Variants in HEATR5B observed in about 807,000 individuals in gnomAD.
HEATR5B encodes HEAT repeat containing 5B.
Under a neutral mutation model 224.1 loss-of-function variants are expected in HEATR5B, and 156 were observed. The observed-to-expected ratio is 0.70, with a 90% confidence interval of 0.61 to 0.80. The LOEUF is 0.80. Among genes scored for constraint, HEATR5B ranks in the 30% least tolerant of loss-of-function variants. The pLI, the probability that HEATR5B is intolerant of heterozygous loss-of-function variation, is 0.00. For missense variants in HEATR5B, 2,323 were observed against 2,535.5 expected, an observed-to-expected ratio of 0.92 and a Z score of 1.80; for synonymous variants, 1,027 against 893.0, an observed-to-expected ratio of 1.15 and a Z score of -2.68.
At position 37,056,609 on chromosome 2, in the gene HEATR5B, G is replaced by A; in HGVS notation, c.2230C>T (p.Pro744Ser). The change falls in exon 16 of 36, where the codon CCA (proline) becomes TCA (serine). Residue 744 changes from proline to serine, a missense_variant. Transcript: ENST00000233099. ...GCCCCACTTCCAGAGGCACTGTTTGGCTGGAGCTGCAAAAGAGTGAAATAA... is the reference window on the plus strand; with the variant it reads ...GCCCCACTTCCAGAGGCACTGTTTGACTGGAGCTGCAAAAGAGTGAAATAA... ...DHKSIEDQLQ[P>S]NSASGSGALE... The A allele has an allele frequency of 6.3e-7, 1 of 1,587,746 alleles. No homozygotes were observed. The highest frequency in any genetic ancestry group is 8.5e-7 in the Non-Finnish European group (1 of 1,169,696).
intron 24 of HEATR5B, among the ~76,000 whole-genome samples, chr2:37,022,615 G>T (rs1429707717): frequency 2.0e-5 from 3 of 152,230 alleles, no homozygotes. Flanking sequence ...GTTGGATTTG[G>T]ACTGTAGGCT....
intron 2 of HEATR5B, among the ~76,000 whole-genome samples, chr2:37,079,920 A>G (rs957521124): frequency 1.3e-5 from 2 of 152,214 alleles, no homozygotes; most frequent in African/African-American, 4.8e-5. Flanking sequence ...TTAAGTTTAC[A>G]TTCTAGTGAG....
chr2:37,011,421 A>C (rs1667779185), intron 27 of HEATR5B, among the ~76,000 whole-genome samples: 1 of 152,228 alleles, frequency 6.6e-6, no homozygotes, highest in Admixed American at 6.5e-5. Context: ...TGTCACTGTA[A>C]GACTTTACGG....
chr2:36,998,639 C>G (rs1260467931), intron 33 of HEATR5B, among the ~76,000 whole-genome samples: 1 of 152,092 alleles, frequency 6.6e-6, no homozygotes, highest in East Asian at 1.9e-4. Context: ...ACAAAAATAT[C>G]ATTGACAGGG....
chr2:37,071,873 C>T (rs562885051), intron 6 of HEATR5B, among the ~76,000 whole-genome samples: 25 of 152,026 alleles, frequency 1.6e-4, no homozygotes, highest in African/African-American at 3.9e-4. Flanking sequence ...TCAGTAGAGA[C>T]GGGGTTTCAG....
Position 37,083,276 on chromosome 2 carries a change from A to G in HEATR5B, c.126+13T>C, listed in dbSNP as rs2148620997. The G allele has an allele frequency of 6.2e-7, 1 of 1,613,816 alleles. No homozygotes were observed. On this transcript the variant is annotated intron_variant, in intron 2 of 35. Transcript: ENST00000233099. ...CACGTTAATGCAACTGGGAAAAAAG[A>G]GCAATACCATACCTTGTTGGCAGCA...
At chr2:37,040,666 A>G in intron 19 of HEATR5B, 148 bp from the exon 20 acceptor site, 1 of 595,030 alleles carries the variant, frequency 1.7e-6, no homozygotes, top group Non-Finnish European at 2.9e-6. Context: ...ATGTTTTCAT[A>G]CACATTCTTC....
intron 12 of HEATR5B, among the ~76,000 whole-genome samples, chr2:37,059,383 A>G (rs1671111080): frequency 7.1e-6 from 1 of 140,882 alleles, no homozygotes; most frequent in South Asian, 2.2e-4. Context: ...ATATTTTTGC[A>G]ACTTTTACAG....
chr2:37,070,999 T>C (rs563145409), intron 6 of HEATR5B, among the ~76,000 whole-genome samples: 49 of 152,310 alleles, frequency 3.2e-4, no homozygotes, highest in South Asian at 6.2e-4. Flanking sequence ...AGTTACAGAA[T>C]CTAAGTCTCA....
At chr2:37,025,581 C>T (rs935824619) in intron 24 of HEATR5B, among the ~76,000 whole-genome samples, 2 of 147,956 alleles carry the variant, frequency 1.4e-5, no homozygotes, top group African/African-American at 2.5e-5. Flanking sequence ...GTGGGAGAAA[C>T]GTAGACAAAT....
At chr2:37,061,203 A>C (rs1432034702) in intron 11 of HEATR5B, among the ~76,000 whole-genome samples, 2 of 152,192 alleles carry the variant, frequency 1.3e-5, no homozygotes, top group Non-Finnish European at 2.9e-5. Context: ...ATTTAGTTTC[A>C]TGGAAAGGCA....
chr2:37,072,351 C>T (rs1003584361), intron 5 of HEATR5B, 70 bp from the exon 6 acceptor site: 1 of 1,101,572 alleles, frequency 9.1e-7, no homozygotes, highest in Non-Finnish European at 1.3e-6. Flanking sequence ...TAGCAAGAAC[C>T]AGACTTACCA....
chr2:37,058,517 T>C lies in HEATR5B; in HGVS notation c.1993A>G (p.Ser665Gly). ...AGTCTTAAACGGACCATTGCAGCAC[T>C]AGCTTTCAGATGAGCTCCATGGGCT... ...MKAHGAHLKA[S>G]AAMVRLRLYD... Residue 665 changes from serine to glycine, a missense_variant, in exon 14 of 36, where the codon AGT (serine) becomes GGT (glycine). Coordinates refer to ENST00000233099, the MANE Select transcript of HEATR5B (RefSeq NM_019024.3). 1 of 1,613,322 alleles carries C rather than the reference T, an allele frequency of 6.2e-7. No individual in the cohort carries two copies. Among genetic ancestry groups the C allele is most frequent in the East Asian group, 2.2e-5 (1 of 44,850 alleles).
chr2:37,010,245 C>G (rs1301533150), intron 27 of HEATR5B, among the ~76,000 whole-genome samples: 1 of 152,058 alleles, frequency 6.6e-6, no homozygotes, highest in Non-Finnish European at 1.5e-5. Context: ...ATAAAAATCT[C>G]GAGAAAACTG....
chr2:36,982,781 A>AT (rs1160992945), intron 35 of HEATR5B, among the ~76,000 whole-genome samples: 1 of 151,798 alleles, frequency 6.6e-6, no homozygotes, highest in African/African-American at 2.4e-5. Flanking sequence ...TATAGATGTT[A>AT]TATCTACATC....
chr2:37,006,913 A>G (rs1195930716), intron 29 of HEATR5B, 137 bp downstream of exon 29: 1 of 692,552 alleles, frequency 1.4e-6, no homozygotes, highest in East Asian at 2.8e-5. Context: ...ACAATTTATA[A>G]GGTGAGGTGA....
intron 26 of HEATR5B, among the ~76,000 whole-genome samples, chr2:37,018,170 C>T (rs758522238): frequency 1.3e-5 from 2 of 150,722 alleles, no homozygotes; most frequent in African/African-American, 2.5e-5. Flanking sequence ...TTTAAGCCTG[C>T]CACTAGAAAA....
chr2:37,045,626 G>C (rs1670143388), intron 18 of HEATR5B, among the ~76,000 whole-genome samples: 1 of 152,102 alleles, frequency 6.6e-6, no homozygotes, highest in African/African-American at 2.4e-5. Flanking sequence ...GCACATATCA[G>C]TATTCAGCCA....
chr2:37,081,393 T>C lies in HEATR5B; in HGVS notation c.126+1896A>G, dbSNP rs187232043. ...ATTCCATTAAAACCATACTAAAGGG[T>C]AGCAACAACAACAGGAACAATAACA... On this transcript the variant is annotated intron_variant, in intron 2 of 35. Coordinates refer to ENST00000233099, the MANE Select transcript of HEATR5B (RefSeq NM_019024.3). Among the ~76,000 whole-genome samples, 159 of 152,188 alleles carry C rather than the reference T, an allele frequency of 1.0e-3. 3 individuals carry two copies. Among genetic ancestry groups the C allele is most frequent in the Admixed American group, 9.6e-3 (146 of 15,278 alleles).
Sources: allele counts gnomAD v4.1 joint callset (sites outside exome capture counted in the v4.1 genomes callset), GRCh38; gene constraint gnomAD v4.1.1; transcripts MANE v1.5; gene names NCBI Gene and HGNC (gene_info 2026-07-23, HGNC 2026-07-21).